The following PRDM16 variants were observed in gnomAD, a reference collection of about 807,000 sequenced individuals.
PRDM16 encodes the protein PR/SET domain 16.
PRDM16 carries 23 observed loss-of-function variants against 110.6 expected under a neutral mutation model. The ratio of observed to expected loss-of-function variants is 0.21; its 90% CI spans 0.15 to 0.29. The LOEUF (loss-of-function observed/expected upper bound fraction) is 0.29. Among genes scored for constraint, PRDM16 ranks in the 10% least tolerant of loss-of-function variants. PRDM16 has a pLI of 1.00. For synonymous variants in PRDM16, 799 were observed against 781.8 expected (o/e 1.02, Z -0.37); for missense variants, 1,615 against 1,794.3 (o/e 0.90, Z 1.81).
Position 3,275,750 on chromosome 1 carries a change from G to A in PRDM16, c.438+31613G>A, listed in dbSNP as rs373677328. Among the ~76,000 whole-genome samples the A allele has an allele frequency of 2.2e-4, 34 of 152,272 alleles. No individual in the cohort carries two copies. In the East Asian group the frequency reaches 3.9e-3, roughly 17 times the overall value. On this transcript the variant is annotated intron_variant, in intron 3 of 16. Transcript: ENST00000270722. Reference sequence around the variant, plus strand: ...TAGGTGACCTTTTGCTGAGGGTGACGTGAGAACCACCAGTGAGAGCCAGGG... The same window carrying A: ...TAGGTGACCTTTTGCTGAGGGTGACATGAGAACCACCAGTGAGAGCCAGGG...
intron 3 of PRDM16, among the ~76,000 whole-genome samples, chr1:3,282,339 G>T (rs529008396): frequency 6.6e-6 from 1 of 152,318 alleles, no homozygotes; most frequent in African/African-American, 2.4e-5. Flanking sequence ...TGGAGTGGGG[G>T]CTCTGGGCTC....
In PRDM16 at chr1:3,433,431, T is replaced by C. The variant is rs975605993; in HGVS notation, c.3697-246T>C. Among the ~76,000 whole-genome samples the C allele has an allele frequency of 3.9e-5, 6 of 152,210 alleles. No homozygotes were observed. The East Asian group carries it at 7.7e-4, about 20-fold the overall frequency. On this transcript the variant is annotated intron_variant, in intron 16 of 16. Transcript: ENST00000270722. ...GGCCCTGCTGGCCGGGGATGGCCTG[T>C]CCTGCCCACACACTCACCTGCCTGT...
Position 3,142,703 on chromosome 1 carries a change from C to T in PRDM16, c.38-43422C>T, listed in dbSNP as rs555368127. On this transcript the variant is annotated intron_variant, in intron 1 of 16. Coordinates refer to ENST00000270722, the MANE Select transcript of PRDM16 (RefSeq NM_022114.4). ...CCCAAGCCTCGTGCTCCCCCGAGAGCGGGTAATTACCTGGATGTGGACCGT... is the reference window on the plus strand; with the variant it reads ...CCCAAGCCTCGTGCTCCCCCGAGAGTGGGTAATTACCTGGATGTGGACCGT... 5.3e-5 allele frequency among the ~76,000 whole-genome samples: 8 copies of T among 152,158 alleles called. No individual in the cohort carries two copies. In the East Asian group the frequency reaches 9.7e-4, roughly 18 times the overall value.
rs1638961734 is a variant in PRDM16, at chr1:3,438,377, G to A, written c.*4566G>A. The A allele has an allele frequency of 4.9e-6, 1 of 203,218 alleles. No individual in the cohort carries two copies. Among genetic ancestry groups the A allele is most frequent in the African/African-American group, 2.3e-5 (1 of 43,630 alleles). 12.6% of individuals were successfully genotyped at this position (203,218 alleles called of 1,614,324 possible). A position where few individuals can be genotyped will look rare whatever the true frequency, so the allele number is the denominator to read the frequency against. On this transcript the variant is annotated 3_prime_UTR_variant, in exon 17 of 17. Transcript: ENST00000270722. ...AATTAATACGGAAATCGCTGTGGGA[G>A]AAGAATGAAATAAGACGTGAAGTGT...
rs115819374 is a variant in PRDM16, at chr1:3,389,166, G to C, written c.573+3880G>C. Among the ~76,000 whole-genome samples, 1,028 of 152,310 alleles carry C rather than the reference G, an allele frequency of 6.7e-3. 11 individuals are homozygous for C. Among genetic ancestry groups the C allele is most frequent in the African/African-American group, 0.023 (967 of 41,556 alleles). ...TCTGCAGCCACTGGGGAGAGGCAGGGGACAGGGGCTTGAGAACATGTGAGC... is the reference window on the plus strand; with the variant it reads ...TCTGCAGCCACTGGGGAGAGGCAGGCGACAGGGGCTTGAGAACATGTGAGC... On this transcript the variant is annotated intron_variant, in intron 4 of 16. Coordinates refer to ENST00000270722, the MANE Select transcript of PRDM16 (RefSeq NM_022114.4).
At position 3,385,250 on chromosome 1, in the gene PRDM16, T is replaced by G; in HGVS notation, c.537T>G (p.Asp179Glu). ...LKYIRVACSC[D>E]DQNLTMCQIS... ...ACATCCGTGTGGCGTGCTCCTGCGA[T>G]GACCAGAACCTCACCATGTGTCAGA... Residue 179 changes from aspartate (D) to glutamate (E), a missense_variant, in exon 4 of 17, where the codon GAT (aspartate) becomes GAG (glutamate). Asp to Glu is a conservative substitution (Grantham distance 45). Transcript: ENST00000270722. 6.2e-7 allele frequency: 1 copy of G among 1,613,710 alleles called. No homozygotes were observed. The highest frequency in any genetic ancestry group is 8.5e-7 in the Non-Finnish European group (1 of 1,180,004).
chr1:3,149,529 C>T (rs1643738840), intron 1 of PRDM16, among the ~76,000 whole-genome samples: 1 of 152,212 alleles, frequency 6.6e-6, no homozygotes, highest in South Asian at 2.1e-4. Context: ...CCTGTGTATC[C>T]AGACTCCGCC....
chr1:3,405,686 T>C, intron 8 of PRDM16, 38 bp downstream of exon 8: 1 of 1,517,864 alleles, frequency 6.6e-7, no homozygotes, highest in Admixed American at 2.1e-5. Context: ...GCCCTCCGGG[T>C]GCGCGGATGC....
intron 3 of PRDM16, among the ~76,000 whole-genome samples, chr1:3,279,230 G>A (rs980950012): frequency 3.9e-5 from 6 of 152,202 alleles, no homozygotes; most frequent in South Asian, 2.1e-4. Flanking sequence ...GCAGGCCCTC[G>A]GCTCAGCAGA....
intron 15 of PRDM16, 80 bp downstream of exon 15, chr1:3,431,188 C>T: frequency 1.3e-6 from 2 of 1,500,722 alleles, no homozygotes; most frequent in African/African-American, 1.4e-5. Flanking sequence ...CCTCTTCAGC[C>T]ACTCGTGAGC....
rs17390461 is a variant in PRDM16 at position 3,190,820 on chromosome 1, A to G, written c.387+4346A>G. On this transcript the variant is annotated intron_variant, in intron 2 of 16. Coordinates refer to ENST00000270722, the MANE Select transcript of PRDM16 (RefSeq NM_022114.4). The surrounding 1 kb of genome is among the most constrained non-coding windows in gnomAD (Gnocchi z 5.0). ...GATTTTCACATTTGTTGAGTAAATC[A>G]TGACATTTATCATCATGCTGTTTAT... Among the ~76,000 whole-genome samples, 3,156 of 152,364 alleles carry G rather than the reference A, an allele frequency of 0.021. 52 individuals carry two copies. The highest frequency in any genetic ancestry group is 0.033 in the Non-Finnish European group (2,272 of 68,034).
intron 1 of PRDM16, among the ~76,000 whole-genome samples, chr1:3,161,450 G>A (rs1176427497): frequency 3.3e-5 from 5 of 152,338 alleles, no homozygotes; most frequent in East Asian, 1.9e-4. Context: ...GGGCAATGGC[G>A]TGAGGAGATG....
At chr1:3,134,639 C>T (rs1643400497) in intron 1 of PRDM16, among the ~76,000 whole-genome samples, 1 of 152,262 alleles carries the variant, frequency 6.6e-6, no homozygotes, top group Admixed American at 6.5e-5. Flanking sequence ...TTAACCGTGG[C>T]GGCTTGAAGG....
rs1639769110 is a variant in PRDM16 at position 3,245,395 on chromosome 1, G to A, written c.438+1258G>A. On this transcript the variant is annotated intron_variant, in intron 3 of 16. Transcript: ENST00000270722. The surrounding 1 kb of genome is among the most constrained non-coding windows in gnomAD (Gnocchi z 4.7). ...GGGCAGAGCTATCCGCAAAGCACAG[G>A]GGGACCTGACCCTTCTCTCCAGGTT... 6.6e-6 allele frequency among the ~76,000 whole-genome samples: 1 copy of A among 152,214 alleles called. No homozygotes were observed.
chr1:3,170,551 GC>G (rs962282456), intron 1 of PRDM16, among the ~76,000 whole-genome samples: 2 of 152,174 alleles, frequency 1.3e-5, no homozygotes, highest in African/African-American at 4.8e-5. Context: ...CATCTGGGTG[GC>G]CCCCAGACCC....
intron 1 of PRDM16, among the ~76,000 whole-genome samples, chr1:3,166,310 C>T (rs981452395): frequency 4.6e-5 from 7 of 152,260 alleles, no homozygotes; most frequent in South Asian, 2.1e-4. Context: ...GAGGCAACTC[C>T]GATGCCCACG....
intron 3 of PRDM16, among the ~76,000 whole-genome samples, chr1:3,372,043 C>T (rs1186293000): frequency 6.6e-6 from 1 of 152,206 alleles, no homozygotes; most frequent in Admixed American, 6.5e-5. Flanking sequence ...TCCTAAGGTC[C>T]ATCTGGAAGT....
At chr1:3,378,458 C>T (rs1643034533) in intron 3 of PRDM16, among the ~76,000 whole-genome samples, 1 of 152,122 alleles carries the variant, frequency 6.6e-6, no homozygotes, top group Non-Finnish European at 1.5e-5. Context: ...CCCTCTGGTC[C>T]TTGAGTCGGC....
chr1:3,336,640 GTT>G (rs1336223201), intron 3 of PRDM16, among the ~76,000 whole-genome samples: 5 of 150,610 alleles, frequency 3.3e-5, no homozygotes, highest in African/African-American at 4.9e-5. Flanking sequence ...GCACATGTGT[GTT>G]GGAGTGAGTG....
Sources: allele counts gnomAD v4.1 joint callset (sites outside exome capture counted in the v4.1 genomes callset), GRCh38; gene constraint gnomAD v4.1.1; non-coding constraint Gnocchi (gnomAD v3.1); transcripts MANE v1.5; gene names NCBI Gene and HGNC (gene_info 2026-07-23, HGNC 2026-07-21).